Variants in ATF7IP observed in about 807,000 individuals in gnomAD.
ATF7IP encodes activating transcription factor 7-interacting protein 1.
A neutral mutation model predicts 106.4 loss-of-function variants in ATF7IP; 23 were observed. The ratio of observed to expected loss-of-function variants is 0.22; its 90% CI spans 0.16 to 0.31. The LOEUF (loss-of-function observed/expected upper bound fraction) is 0.31, where lower values mean the gene tolerates loss of function less well. ATF7IP is among the 10% of genes least tolerant of loss of function. The probability of loss-of-function intolerance (pLI) is 1.00; values close to 1 mark genes in which losing one functional copy is unlikely to be tolerated. For synonymous variants in ATF7IP, 542 were observed against 539.0 expected, an observed-to-expected ratio of 1.01 and a Z score of -0.08; for missense variants, 1,334 against 1,524.3, an observed-to-expected ratio of 0.88 and a Z score of 2.08.
chr12:14,447,137 T>TA, intron 6 of ATF7IP, 84 bp downstream of exon 6: 1 of 1,134,930 alleles, frequency 8.8e-7, no homozygotes, highest in East Asian at 2.4e-5. Context: ...GAAACTGTAT[T>TA]ACAAATCTGA....
chr12:14,413,686 G>A (rs7968743), intron 1 of ATF7IP, among the ~76,000 whole-genome samples: 13 of 152,046 alleles, frequency 8.6e-5, no homozygotes, highest in African/African-American at 3.1e-4. Context: ...AATGAGAAAA[G>A]GATATGTTTT....
chr12:14,454,407 G>A (rs970316886), intron 6 of ATF7IP, among the ~76,000 whole-genome samples: 1 of 152,246 alleles, frequency 6.6e-6, no homozygotes, highest in African/African-American at 2.4e-5. Context: ...ACAGGCATCC[G>A]AAGTGCCATA....
At chr12:14,418,261 T>C (rs1941304600) in intron 1 of ATF7IP, among the ~76,000 whole-genome samples, 1 of 152,128 alleles carries the variant, frequency 6.6e-6, no homozygotes, top group East Asian at 1.9e-4. Context: ...AGTTCTTGAA[T>C]ATACAGAGAC....
At chr12:14,398,387 G>GT (rs199525754) in intron 1 of ATF7IP, among the ~76,000 whole-genome samples, 51,659 of 144,210 alleles carry the variant, frequency 0.36, 9,875 homozygotes, top group Middle Eastern at 0.52. Context: ...ACATCTAAAA[G>GT]TTTTTTTTTT....
chr12:14,460,271 C>A (rs78341150), intron 8 of ATF7IP, among the ~76,000 whole-genome samples: 7,508 of 152,118 alleles, frequency 0.049, 630 homozygotes, highest in African/African-American at 0.17. Context: ...AATCATCGAT[C>A]ATGTGCTGTT....
At chr12:14,467,598 T>C (rs1943881528) in intron 10 of ATF7IP, among the ~76,000 whole-genome samples, 2 of 152,144 alleles carry the variant, frequency 1.3e-5, no homozygotes, top group African/African-American at 2.4e-5. Flanking sequence ...TCAGTGATAC[T>C]TAAGTGACAT....
chr12:14,478,340 C>A lies in ATF7IP; in HGVS notation c.2965C>A (p.Pro989Thr), dbSNP rs759519927. ...SQDPKKLNHT[P>T]VSTMSSSQPV... ...AGACCCCAAAAAACTAAATCACACT[C>A]CTGTATCAACCATGAGTTCTTCTCA... Residue 989 changes from proline (P) to threonine (T), a missense_variant, in exon 12 of 15, where the codon CCT becomes ACT. Pro to Thr is a conservative substitution (Grantham distance 38). Around this residue, in one of 10 missense-constraint regions of ATF7IP, gnomAD observed 370 missense variants for 401.2 expected, o/e 0.92. Coordinates refer to ENST00000261168, the MANE Select transcript of ATF7IP (RefSeq NM_018179.5). 6.2e-7 allele frequency: 1 copy of A among 1,613,992 alleles called. No homozygotes were observed. Among genetic ancestry groups the A allele is most frequent in the East Asian group, 2.2e-5 (1 of 44,862 alleles).
At chr12:14,427,472 C>T (rs1227473979) in intron 2 of ATF7IP, among the ~76,000 whole-genome samples, 1 of 152,048 alleles carries the variant, frequency 6.6e-6, no homozygotes, top group Admixed American at 6.6e-5. Flanking sequence ...AAGTGATTCT[C>T]CTCCCCACTC....
chr12:14,391,482 C>G (rs1939548105), intron 1 of ATF7IP, among the ~76,000 whole-genome samples: 1 of 152,164 alleles, frequency 6.6e-6, no homozygotes, highest in African/African-American at 2.4e-5. Flanking sequence ...TACTTCTGCT[C>G]TCGTACTGTT....
chr12:14,379,757 C>T (rs546165186), intron 1 of ATF7IP, among the ~76,000 whole-genome samples: 1 of 152,200 alleles, frequency 6.6e-6, no homozygotes, highest in South Asian at 2.1e-4. Flanking sequence ...TATCTTCTTC[C>T]TACTATTATC....
chr12:14,368,764 G>C (rs933961237), intron 1 of ATF7IP, among the ~76,000 whole-genome samples: 1 of 151,844 alleles, frequency 6.6e-6, no homozygotes, highest in African/African-American at 2.4e-5. Flanking sequence ...TGAATTAGCT[G>C]TTTGACTTTT....
intron 1 of ATF7IP, among the ~76,000 whole-genome samples, chr12:14,388,781 A>G (rs1342620145): frequency 1.3e-5 from 2 of 152,080 alleles, no homozygotes; most frequent in African/African-American, 2.4e-5. Flanking sequence ...AGTAGCTGGT[A>G]TTACAGGCAT....
chr12:14,467,773 GCTAT>G (rs1473470640), intron 10 of ATF7IP, among the ~76,000 whole-genome samples: 2 of 151,500 alleles, frequency 1.3e-5, no homozygotes, highest in Admixed American at 1.3e-4. Context: ...CTAGAGCTGT[GCTAT>G]CTAATATGAT....
At chr12:14,491,687 T>G (rs1456563749) in intron 13 of ATF7IP, among the ~76,000 whole-genome samples, 1 of 152,136 alleles carries the variant, frequency 6.6e-6, no homozygotes, top group Non-Finnish European at 1.5e-5. Context: ...TGAAGGCAAA[T>G]TGCTTCTGGT....
chr12:14,377,606 C>T (rs1012439150), intron 1 of ATF7IP, among the ~76,000 whole-genome samples: 5 of 151,184 alleles, frequency 3.3e-5, no homozygotes, highest in African/African-American at 1.2e-4. Context: ...CCACCGCGCC[C>T]GGCCTTTCTT....
At chr12:14,464,097 G>A (rs188305544) in intron 9 of ATF7IP, among the ~76,000 whole-genome samples, 1 of 152,304 alleles carries the variant, frequency 6.6e-6, no homozygotes, top group East Asian at 1.9e-4. Context: ...AGGATGGCTT[G>A]AGCTCAGGAG....
At chr12:14,413,169 T>C (rs897331644) in intron 1 of ATF7IP, among the ~76,000 whole-genome samples, 7 of 152,246 alleles carry the variant, frequency 4.6e-5, no homozygotes, top group African/African-American at 1.7e-4. Context: ...CCATTAAGTA[T>C]GATAGCTGTG....
At chr12:14,458,552 T>C (rs1301598665) in intron 8 of ATF7IP, among the ~76,000 whole-genome samples, 2 of 152,228 alleles carry the variant, frequency 1.3e-5, no homozygotes, top group Non-Finnish European at 2.9e-5. Flanking sequence ...ACAAGCGTGG[T>C]GGCTTACGAC....
At chr12:14,476,024 A>G in intron 11 of ATF7IP, 56 bp downstream of exon 11, 1 of 1,259,372 alleles carries the variant, frequency 7.9e-7, no homozygotes, top group Non-Finnish European at 1.2e-6. Context: ...TTTTGTCTTA[A>G]TACGGTACAG....
Sources: gnomAD v4.1 joint callset for allele counts (sites outside exome capture counted in the v4.1 genomes callset) on GRCh38, gnomAD v4.1.1 for gene constraint, gnomAD v4.1.1 regional missense constraint, MANE v1.5 for transcripts, NCBI Gene and HGNC (gene_info 2026-07-23, HGNC 2026-07-21) for gene names.